Variants in FANK1 observed in about 807,000 individuals in gnomAD.
FANK1 encodes fibronectin type 3 and ankyrin repeat domains protein 1.
A neutral mutation model predicts 45.3 loss-of-function variants in FANK1; 44 were observed. The ratio of observed to expected loss-of-function variants is 0.97; its 90% CI spans 0.76 to 1.25. The LOEUF (loss-of-function observed/expected upper bound fraction) is 1.25. Among genes scored for constraint, FANK1 ranks in the 50% most tolerant of loss-of-function variants. The pLI is 0.00. For missense variants in FANK1, 391 were observed against 424.4 expected (o/e 0.92, Z 0.69); for synonymous variants, 149 against 152.5 (o/e 0.98, Z 0.17).
At chr10:125,933,066 G>C (rs527856398) in intron 1 of FANK1, among the ~76,000 whole-genome samples, 1 of 152,046 alleles carries the variant, frequency 6.6e-6, no homozygotes, top group Non-Finnish European at 1.5e-5. Context: ...GATCATGGTG[G>C]ATTATCTTTT....
intron 1 of FANK1, among the ~76,000 whole-genome samples, chr10:125,953,184 C>T (rs1037317362): frequency 1.3e-5 from 2 of 152,176 alleles, no homozygotes; most frequent in Admixed American, 1.3e-4. Flanking sequence ...AGGAACCCTG[C>T]TTTGAAAACC....
At chr10:125,956,901 T>C (rs1005715959) in intron 1 of FANK1, among the ~76,000 whole-genome samples, 2 of 152,080 alleles carry the variant, frequency 1.3e-5, no homozygotes, top group African/African-American at 4.8e-5. Context: ...CAGGCAGGAG[T>C]GCAATGGCGC....
intron 3 of FANK1, chr10:125,994,386 A>G (rs1264049022): frequency 2.0e-6 from 2 of 985,220 alleles, no homozygotes; most frequent in Non-Finnish European, 2.4e-6. Context: ...AGGTTTGTTG[A>G]ATGAATAAAT....
chr10:125,918,202 T>A (rs1443325065), intron 1 of FANK1, among the ~76,000 whole-genome samples: 2 of 152,292 alleles, frequency 1.3e-5, no homozygotes, highest in African/African-American at 2.4e-5. Context: ...TGGAGATGGA[T>A]GGTGGTGATG....
intron 1 of FANK1, among the ~76,000 whole-genome samples, chr10:125,943,557 C>T (rs1325449040): frequency 6.6e-6 from 1 of 152,182 alleles, no homozygotes; most frequent in Non-Finnish European, 1.5e-5. Context: ...TTTGCCTATT[C>T]TGGACATTTT....
intron 6 of FANK1, among the ~76,000 whole-genome samples, chr10:125,998,561 T>C (rs1952515996): frequency 6.6e-6 from 1 of 152,044 alleles, no homozygotes; most frequent in Admixed American, 6.5e-5. Context: ...ATAGAAAGGT[T>C]ATTGAGAAAT....
intron 8 of FANK1, 99 bp downstream of exon 8, chr10:126,008,649 G>A: frequency 7.1e-7 from 1 of 1,406,026 alleles, no homozygotes; most frequent in Non-Finnish European, 9.6e-7. Flanking sequence ...CCCTGCACCA[G>A]CCCTTGGGTT....
intron 6 of FANK1, among the ~76,000 whole-genome samples, chr10:126,003,792 C>G (rs1019043545): frequency 7.2e-5 from 11 of 152,094 alleles, no homozygotes; most frequent in Non-Finnish European, 1.5e-4. Context: ...TCTCCTGCCT[C>G]AGCCTCCTGA....
rs535922299 is a variant in FANK1 at position 125,904,410 on chromosome 10, G to A, written c.13+7755G>A. On this transcript the variant is annotated intron_variant, in intron 1 of 10. Transcript: ENST00000368693. Reference sequence around the variant, plus strand: ...ATCACTGGTGAATTCTTCAATGAAAGGGAAAAAATAACACCAACATTACAG... The same window carrying A: ...ATCACTGGTGAATTCTTCAATGAAAAGGAAAAAATAACACCAACATTACAG... 2.0e-5 allele frequency among the ~76,000 whole-genome samples: 3 copies of A among 151,872 alleles called. No homozygotes were observed. In the East Asian group the frequency reaches 5.8e-4, roughly 29 times the overall value.
chr10:125,989,922 A>G (rs967694164), intron 3 of FANK1, among the ~76,000 whole-genome samples: 14 of 152,098 alleles, frequency 9.2e-5, no homozygotes, highest in Admixed American at 2.6e-4. Context: ...GTCCCAGGCT[A>G]CCTTTCTGCT....
intron 2 of FANK1, among the ~76,000 whole-genome samples, chr10:125,986,220 C>T (rs1324724250): frequency 6.6e-6 from 1 of 152,134 alleles, no homozygotes; most frequent in Non-Finnish European, 1.5e-5. Context: ...CAGCACAGAG[C>T]AGGGAGGCAG....
rs552538672 is a variant in FANK1, at chr10:125,925,939, C to A, written c.13+29284C>A. Among the ~76,000 whole-genome samples, 4 of 143,746 alleles carry A rather than the reference C, an allele frequency of 2.8e-5. No individual in the cohort carries two copies. In the East Asian group the frequency reaches 8.6e-4, roughly 31 times the overall value. The allele number at this position is 143,746 out of a possible 152,430, so 94.3% of individuals were successfully genotyped here. A position where few individuals can be genotyped will look rare whatever the true frequency, so the allele number is the denominator to read the frequency against. ...CTTTCTATTTATCCTACTTATGTTT[C>A]TTTTTTTCCTTTCTTGCCTTCTTTT... is the stretch of plus-strand genomic sequence containing the variant. On this transcript the variant is annotated intron_variant, in intron 1 of 10. Coordinates refer to ENST00000368693, the MANE Select transcript of FANK1 (RefSeq NM_145235.5).
intron 1 of FANK1, among the ~76,000 whole-genome samples, chr10:125,970,355 C>T (rs543120463): frequency 2.1e-4 from 32 of 150,926 alleles, no homozygotes; most frequent in East Asian, 7.9e-4. Context: ...ATGGGGCGGC[C>T]GGGCAGAGGC....
Position 125,920,575 on chromosome 10 carries a change from T to C in FANK1, c.13+23920T>C, listed in dbSNP as rs573971609. Among the ~76,000 whole-genome samples the C allele has an allele frequency of 1.1e-4, 17 of 152,354 alleles. No homozygotes were observed. The East Asian group carries it at 2.5e-3, about 22-fold the overall frequency. ...AACATTTCTGCTTCTCTGTGACTTA[T>C]GGGTAGCATTGATATAAATTGTTAA... On this transcript the variant is annotated intron_variant, in intron 1 of 10. Coordinates refer to ENST00000368693, the MANE Select transcript of FANK1 (RefSeq NM_145235.5).
intron 1 of FANK1, among the ~76,000 whole-genome samples, chr10:125,936,852 G>A (rs1429897760): frequency 6.6e-6 from 1 of 152,106 alleles, no homozygotes; most frequent in Non-Finnish European, 1.5e-5. Context: ...TGGATCACCC[G>A]AGGTTGGGAG....
intron 1 of FANK1, among the ~76,000 whole-genome samples, chr10:125,967,248 G>T (rs1018543992): frequency 1.3e-5 from 2 of 152,150 alleles, no homozygotes; most frequent in Non-Finnish European, 1.5e-5. Context: ...AGGGCACGCC[G>T]CTGGAGTTGG....
chr10:125,927,121 C>T (rs1947403234), intron 1 of FANK1, among the ~76,000 whole-genome samples: 1 of 152,054 alleles, frequency 6.6e-6, no homozygotes, highest in Non-Finnish European at 1.5e-5. Context: ...ACCATCTTGT[C>T]TTTTGAGACA....
chr10:125,911,198 G>A (rs1171136127), intron 1 of FANK1, among the ~76,000 whole-genome samples: 1 of 152,182 alleles, frequency 6.6e-6, no homozygotes. Context: ...TTATAAGTGG[G>A]AAGAAGAAAC....
intron 1 of FANK1, among the ~76,000 whole-genome samples, chr10:125,938,894 G>A (rs1212427876): frequency 6.6e-5 from 10 of 152,088 alleles, no homozygotes. Flanking sequence ...GCCAAATTTG[G>A]AAGCATTTGA....
Sources: gnomAD v4.1 joint callset for allele counts (sites outside exome capture counted in the v4.1 genomes callset) on GRCh38, gnomAD v4.1.1 for gene constraint, MANE v1.5 for transcripts, NCBI Gene and HGNC (gene_info 2026-07-23, HGNC 2026-07-21) for gene names.